Variants in PPP2R5E observed in about 807,000 individuals in gnomAD.
PPP2R5E encodes protein phosphatase 2 regulatory subunit B'epsilon.
PPP2R5E carries 4 observed loss-of-function variants against 65.3 expected under a neutral mutation model. The ratio of observed to expected loss-of-function variants is 0.06; its 90% confidence interval spans 0.03 to 0.14. The LOEUF (loss-of-function observed/expected upper bound fraction) is 0.14, where lower values mean the gene tolerates loss of function less well. Among genes scored for constraint, PPP2R5E ranks in the 10% least tolerant of loss-of-function variants. The pLI is 1.00. For synonymous variants in PPP2R5E, 183 were observed against 187.4 expected, an observed-to-expected ratio of 0.98 and a Z score of 0.19; for missense variants, 274 against 556.1, an observed-to-expected ratio of 0.49 and a Z score of 5.10.
At chr14:63,496,137 T>A (rs1253830482) in intron 2 of PPP2R5E, among the ~76,000 whole-genome samples, 1 of 152,326 alleles carries the variant, frequency 6.6e-6, no homozygotes, top group South Asian at 2.1e-4. Context: ...TTATTCTGCA[T>A]CATACACTGG....
At chr14:63,381,761 G>C (rs989223010) in intron 13 of PPP2R5E, among the ~76,000 whole-genome samples, 1 of 152,194 alleles carries the variant, frequency 6.6e-6, no homozygotes, top group African/African-American at 2.4e-5. Context: ...ATTGGCTACG[G>C]TATTCACCAC....
At chr14:63,377,340 G>A (rs1368429780) in intron 13 of PPP2R5E, among the ~76,000 whole-genome samples, 1 of 152,106 alleles carries the variant, frequency 6.6e-6, no homozygotes, top group Non-Finnish European at 1.5e-5. Context: ...CATGGGTTGA[G>A]TGAAATTTGT....
intron 2 of PPP2R5E, among the ~76,000 whole-genome samples, chr14:63,491,302 T>C (rs1294774056): frequency 6.6e-6 from 1 of 152,050 alleles, no homozygotes; most frequent in East Asian, 1.9e-4. Flanking sequence ...ACAAGTTCAA[T>C]TCGAAACCAA....
In PPP2R5E at chr14:63,539,679, A is replaced by C. The variant is rs1468595054; in HGVS notation, c.7T>G (p.Ser3Ala). 6.2e-7 allele frequency: 1 copy of C among 1,613,660 alleles called. No homozygotes were observed. Among genetic ancestry groups the C allele is most frequent in the African/African-American group, 1.3e-5 (1 of 75,052 alleles). MSSAPTTPPSVDK... is the reference protein window; with the variant it reads MSAAPTTPPSVDK... ...ACTGATGGAGGAGTAGTTGGTGCTG[A>C]GGACATATCCCTACTGAAGAGAAAG... Residue 3 changes from serine to alanine, a missense_variant, in exon 2 of 14, where the codon TCA (serine) becomes GCA (alanine). Coordinates refer to ENST00000337537, the MANE Select transcript of PPP2R5E (RefSeq NM_006246.5).
At chr14:63,430,682 T>C (rs1887626080) in intron 3 of PPP2R5E, among the ~76,000 whole-genome samples, 1 of 152,168 alleles carries the variant, frequency 6.6e-6, no homozygotes, top group Non-Finnish European at 1.5e-5. Flanking sequence ...CTGAGGGACT[T>C]AGAATCAGAG....
In PPP2R5E at chr14:63,411,340, T is replaced by C. The variant is rs984799644; in HGVS notation, c.549+3800A>G. On this transcript the variant is annotated intron_variant, in intron 5 of 13. Coordinates refer to ENST00000337537, the MANE Select transcript of PPP2R5E (RefSeq NM_006246.5). Reference sequence around the variant, plus strand: ...TGATTAATGATGAAGCTGTGTAATATAGGGAATTTCTAAAGGCTCCTATCT... The same window carrying C: ...TGATTAATGATGAAGCTGTGTAATACAGGGAATTTCTAAAGGCTCCTATCT... Among the ~76,000 whole-genome samples, 14 of 152,314 alleles carry C rather than the reference T, an allele frequency of 9.2e-5. No homozygotes were observed. In the South Asian group the frequency reaches 1.0e-3, roughly 11 times the overall value.
chr14:63,448,834 A>C (rs1005003912), intron 3 of PPP2R5E, among the ~76,000 whole-genome samples: 20 of 151,844 alleles, frequency 1.3e-4, no homozygotes, highest in Non-Finnish European at 2.2e-4. Flanking sequence ...ATGAAGTGCA[A>C]TAAAACGAGG....
intron 2 of PPP2R5E, among the ~76,000 whole-genome samples, chr14:63,469,418 C>T (rs1053190011): frequency 2.6e-5 from 4 of 152,172 alleles, no homozygotes; most frequent in Non-Finnish European, 5.9e-5. Context: ...AGTGGCCGGG[C>T]GCGGTGGCTC....
intron 5 of PPP2R5E, among the ~76,000 whole-genome samples, chr14:63,413,800 C>T (rs1566684251): frequency 6.6e-6 from 1 of 152,168 alleles, no homozygotes; most frequent in East Asian, 1.9e-4. Context: ...ATTTACCTAC[C>T]TTTCCATCTC....
At chr14:63,418,853 T>TC (rs1291541100) in intron 4 of PPP2R5E, among the ~76,000 whole-genome samples, 1 of 146,310 alleles carries the variant, frequency 6.8e-6, no homozygotes, top group East Asian at 1.9e-4. Flanking sequence ...TTTTTTTTTT[T>TC]TTTTTTTTTT....
chr14:63,477,139 T>C lies in PPP2R5E; in HGVS notation c.158-23254A>G, dbSNP rs946065523. Among the ~76,000 whole-genome samples the C allele has an allele frequency of 3.3e-5, 5 of 152,114 alleles. 1 individual carries two copies. Among genetic ancestry groups the C allele is most frequent in the Non-Finnish European group, 7.4e-5 (5 of 67,990 alleles). On this transcript the variant is annotated intron_variant, in intron 2 of 13. Transcript: ENST00000337537. Reference sequence around the variant, plus strand: ...CCATAGAGTATCAGCATCTGCATCATTTCGTAAAAAAAGAAAACCATTCTC... The same window carrying C: ...CCATAGAGTATCAGCATCTGCATCACTTCGTAAAAAAAGAAAACCATTCTC...
At chr14:63,476,633 C>G (rs1200232460) in intron 2 of PPP2R5E, among the ~76,000 whole-genome samples, 1 of 152,082 alleles carries the variant, frequency 6.6e-6, no homozygotes, top group East Asian at 1.9e-4. Context: ...ATTAATCAAT[C>G]AATGATTAGT....
At chr14:63,489,391 T>C (rs1891174465) in intron 2 of PPP2R5E, among the ~76,000 whole-genome samples, 1 of 144,716 alleles carries the variant, frequency 6.9e-6, no homozygotes, top group Non-Finnish European at 1.5e-5. Context: ...AATACCATAA[T>C]TTTTGTTGTT....
At chr14:63,480,673 T>C (rs1397118147) in intron 2 of PPP2R5E, among the ~76,000 whole-genome samples, 1 of 152,166 alleles carries the variant, frequency 6.6e-6, no homozygotes, top group African/African-American at 2.4e-5. Context: ...CTCGAACTCC[T>C]AGTCTCAAGC....
At chr14:63,498,108 A>T (rs979727866) in intron 2 of PPP2R5E, among the ~76,000 whole-genome samples, 1 of 152,224 alleles carries the variant, frequency 6.6e-6, no homozygotes, top group Non-Finnish European at 1.5e-5. Context: ...AATGAACTTA[A>T]TATCTCTTCT....
At chr14:63,393,571 G>A (rs954963167) in intron 8 of PPP2R5E, among the ~76,000 whole-genome samples, 27 of 152,052 alleles carry the variant, frequency 1.8e-4, no homozygotes, top group African/African-American at 6.0e-4. Flanking sequence ...AATTAGCTGG[G>A]CATGGTGGCG....
At chr14:63,539,743 A>G (rs1052515108) in intron 1 of PPP2R5E, 51 bp from the exon 2 acceptor site, 29 of 1,511,084 alleles carry the variant, frequency 1.9e-5, no homozygotes, top group Middle Eastern at 3.8e-4. Flanking sequence ...GTGGAAGCAT[A>G]CATGTGAGTT....
At chr14:63,466,376 G>C (rs1054783909) in intron 2 of PPP2R5E, among the ~76,000 whole-genome samples, 1 of 151,840 alleles carries the variant, frequency 6.6e-6, no homozygotes, top group Non-Finnish European at 1.5e-5. Flanking sequence ...GAGAGCTTAA[G>C]CTCCTGAGAC....
At chr14:63,423,336 A>C (rs536685275) in intron 3 of PPP2R5E, among the ~76,000 whole-genome samples, 2 of 152,280 alleles carry the variant, frequency 1.3e-5, no homozygotes, top group African/African-American at 4.8e-5. Flanking sequence ...ACCTCAAGTG[A>C]CCTGCCCACT....
Sources: gnomAD v4.1 joint callset for allele counts (sites outside exome capture counted in the v4.1 genomes callset) on GRCh38, gnomAD v4.1.1 for gene constraint, MANE v1.5 for transcripts, NCBI Gene and HGNC (gene_info 2026-07-23, HGNC 2026-07-21) for gene names.